CDK19: variants seen among roughly 807,000 people sequenced by gnomAD.
The protein encoded by CDK19 is cyclin dependent kinase 19.
Under a neutral mutation model 68.3 loss-of-function variants are expected in CDK19, and 20 were observed. The ratio of observed to expected loss-of-function variants is 0.29; its 90% confidence interval spans 0.21 to 0.43. CDK19 has a LOEUF of 0.43. CDK19 is among the 20% of genes least tolerant of loss of function. The pLI is 1.00. For missense variants in CDK19, 339 were observed against 623.5 expected, an observed-to-expected ratio of 0.54 and a Z score of 4.86; for synonymous variants, 221 against 222.8, an observed-to-expected ratio of 0.99 and a Z score of 0.07.
chr6:110,807,076 G>A (rs1782727854), intron 1 of CDK19, among the ~76,000 whole-genome samples: 1 of 151,758 alleles, frequency 6.6e-6, no homozygotes, highest in African/African-American at 2.4e-5. Flanking sequence ...AAGGTAGGAG[G>A]ATTACTTGAG....
At chr6:110,800,213 C>A (rs1782254645) in intron 1 of CDK19, among the ~76,000 whole-genome samples, 1 of 152,088 alleles carries the variant, frequency 6.6e-6, no homozygotes, top group African/African-American at 2.4e-5. Flanking sequence ...CTTCCTTTAA[C>A]ATTCATGTTA....
Position 110,706,184 on chromosome 6 carries a change from C to G in CDK19, c.205-35643G>C, listed in dbSNP as rs541350292. 2.6e-4 allele frequency among the ~76,000 whole-genome samples: 39 copies of G among 151,414 alleles called. No individual in the cohort carries two copies. The South Asian group carries it at 8.1e-3, about 32-fold the overall frequency. ...TCTTCTGTGTCAGCCTCCCGAGTAGCTGGGATTACAGGCGCCCACCACCAC... is the reference window on the plus strand; with the variant it reads ...TCTTCTGTGTCAGCCTCCCGAGTAGGTGGGATTACAGGCGCCCACCACCAC... On this transcript the variant is annotated intron_variant, in intron 2 of 12. Coordinates refer to ENST00000368911, the MANE Select transcript of CDK19 (RefSeq NM_015076.5).
chr6:110,704,203 T>A (rs1774246557), intron 2 of CDK19, among the ~76,000 whole-genome samples: 1 of 152,180 alleles, frequency 6.6e-6, no homozygotes, highest in South Asian at 2.1e-4. Flanking sequence ...GGGAACATAG[T>A]TCAGTCAATA....
At chr6:110,757,485 A>C (rs1209246973) in intron 1 of CDK19, among the ~76,000 whole-genome samples, 1 of 152,198 alleles carries the variant, frequency 6.6e-6, no homozygotes, top group Non-Finnish European at 1.5e-5. Flanking sequence ...AATAGCTATA[A>C]AAGTTTACTT....
At chr6:110,814,854 G>A in intron 1 of CDK19, 155 bp downstream of exon 1, 1 of 962,868 alleles carries the variant, frequency 1.0e-6, no homozygotes, top group Non-Finnish European at 1.6e-6. Context: ...GGGCGGAACG[G>A]GCGCCCCTCG....
chr6:110,777,035 G>A (rs897775917), intron 1 of CDK19, among the ~76,000 whole-genome samples: 10 of 152,182 alleles, frequency 6.6e-5, no homozygotes, highest in East Asian at 1.9e-4. Flanking sequence ...CATGTTCTTC[G>A]TCACCACATC....
At chr6:110,761,329 G>A (rs1330648661) in intron 1 of CDK19, among the ~76,000 whole-genome samples, 2 of 152,216 alleles carry the variant, frequency 1.3e-5, no homozygotes, top group Admixed American at 1.3e-4. Flanking sequence ...TAATTTAAAT[G>A]AGAGGTGGCT....
chr6:110,796,111 G>A (rs764115975), intron 1 of CDK19, among the ~76,000 whole-genome samples: 68 of 152,312 alleles, frequency 4.5e-4, no homozygotes, highest in Admixed American at 1.3e-4. Context: ...GGCCAAGACA[G>A]GCAGATCATG....
intron 1 of CDK19, among the ~76,000 whole-genome samples, chr6:110,772,890 C>CAA (rs60201424): frequency 2.0e-5 from 2 of 100,664 alleles, no homozygotes; most frequent in African/African-American, 3.7e-5. Context: ...GTCCCTGTCC[C>CAA]AAAAAAAAAA....
chr6:110,623,815 T>C, intron 8 of CDK19, among the ~76,000 whole-genome samples: 1 of 147,488 alleles, frequency 6.8e-6, no homozygotes, highest in East Asian at 2.0e-4. Context: ...TACACATATA[T>C]ACACATACAT....
chr6:110,749,381 C>CT lies in CDK19; in HGVS notation c.129-3181dup, dbSNP rs899031772. Among the ~76,000 whole-genome samples the CT allele has an allele frequency of 1.8e-3, 257 of 146,024 alleles. 3 individuals carry two copies. Among genetic ancestry groups the CT allele is most frequent in the Admixed American group, 3.7e-3 (55 of 14,764 alleles). ...GTCTTCCATCTGAGACACTATGTTCCTTTTTTTTTTGAGACAAATGTGTCC... is the reference window on the plus strand; with the variant it reads ...GTCTTCCATCTGAGACACTATGTTCCTTTTTTTTTTTGAGACAAATGTGTCC... On this transcript the variant is annotated intron_variant, in intron 1 of 12. Coordinates refer to ENST00000368911, the MANE Select transcript of CDK19 (RefSeq NM_015076.5).
intron 1 of CDK19, among the ~76,000 whole-genome samples, chr6:110,802,442 C>G (rs987336832): frequency 6.6e-6 from 1 of 152,088 alleles, no homozygotes; most frequent in Non-Finnish European, 1.5e-5. Context: ...AATTAAATAC[C>G]GCATGTCCTC....
chr6:110,619,387 T>C (rs1778566106), intron 12 of CDK19, among the ~76,000 whole-genome samples: 2 of 152,260 alleles, frequency 1.3e-5, no homozygotes, highest in East Asian at 3.9e-4. Flanking sequence ...AAGATGGTTT[T>C]GGGTAAAGAA....
intron 1 of CDK19, chr6:110,814,748 G>A (rs1320845510): frequency 1.6e-6 from 1 of 638,018 alleles, no homozygotes; most frequent in East Asian, 3.2e-5. Flanking sequence ...CCGTCTCCGA[G>A]CACTCGGAGG....
chr6:110,731,179 C>T (rs955352628), intron 2 of CDK19, among the ~76,000 whole-genome samples: 2 of 151,830 alleles, frequency 1.3e-5, no homozygotes, highest in Admixed American at 6.6e-5. Flanking sequence ...GAATATCAAG[C>T]TCTTTCCCAG....
At chr6:110,615,959 G>T (rs1778286890) in intron 12 of CDK19, among the ~76,000 whole-genome samples, 1 of 151,786 alleles carries the variant, frequency 6.6e-6, no homozygotes, top group Admixed American at 6.6e-5. Flanking sequence ...ACCCAGAAGT[G>T]GACTCAGCAC....
chr6:110,648,538 C>CTTTTTTTTTTTT (rs60624969), intron 4 of CDK19, among the ~76,000 whole-genome samples: 19 of 120,220 alleles, frequency 1.6e-4, no homozygotes, highest in East Asian at 5.3e-4. Flanking sequence ...TTTTTCTTTT[C>CTTTTTTTTTTTT]TTTTTTTTTT....
chr6:110,626,948 A>G, intron 7 of CDK19, 54 bp downstream of exon 7: 1 of 1,510,746 alleles, frequency 6.6e-7, no homozygotes, highest in Non-Finnish European at 9.0e-7. Context: ...TTTTGAGAAG[A>G]AATGATTTTG....
intron 1 of CDK19, among the ~76,000 whole-genome samples, chr6:110,800,965 G>C (rs1235815234): frequency 6.6e-6 from 1 of 152,084 alleles, no homozygotes; most frequent in Non-Finnish European, 1.5e-5. Context: ...TCAGGCAAGA[G>C]AGAGAAATGA....
Sources: allele counts gnomAD v4.1 joint callset (sites outside exome capture counted in the v4.1 genomes callset), GRCh38; gene constraint gnomAD v4.1.1; transcripts MANE v1.5; gene names NCBI Gene and HGNC (gene_info 2026-07-23, HGNC 2026-07-21).